The following KNTC1 variants were observed in gnomAD, a reference collection of about 807,000 sequenced individuals.
KNTC1 encodes kinetochore-associated protein 1.
In KNTC1, 253 loss-of-function variants were observed where a neutral mutation model predicts 314.4. The ratio of observed to expected loss-of-function variants is 0.80; its 90% CI spans 0.73 to 0.89. The LOEUF (loss-of-function observed/expected upper bound fraction) is 0.89. KNTC1 is among the 40% of genes least tolerant of loss of function. The probability of loss-of-function intolerance (pLI) is 0.00; values close to 1 mark genes in which losing one functional copy is unlikely to be tolerated. For synonymous variants in KNTC1, 901 were observed against 901.4 expected (o/e 1.00, Z 0.01); for missense variants, 2,475 against 2,572.9 (o/e 0.96, Z 0.82).
chr12:122,528,952 A>T (rs913046951), intron 1 of KNTC1, among the ~76,000 whole-genome samples: 3 of 151,858 alleles, frequency 2.0e-5, no homozygotes, highest in African/African-American at 7.3e-5. Context: ...AAGCAATTCT[A>T]CAGCCTCAGC....
chr12:122,546,131 C>T, intron 8 of KNTC1, 45 bp from the exon 9 acceptor site: 1 of 1,157,018 alleles, frequency 8.6e-7, no homozygotes, highest in Non-Finnish European at 1.3e-6. Flanking sequence ...AGGCTCAGGT[C>T]TAAGAATGAA....
intron 20 of KNTC1, among the ~76,000 whole-genome samples, chr12:122,565,613 A>G (rs2137874685): frequency 6.6e-6 from 1 of 152,104 alleles, no homozygotes; most frequent in East Asian, 1.9e-4. Flanking sequence ...TTGGCCGGGC[A>G]CAGTGGTTTA....
intron 29 of KNTC1, among the ~76,000 whole-genome samples, chr12:122,576,349 G>A (rs937437454): frequency 6.6e-5 from 10 of 152,180 alleles, no homozygotes; most frequent in African/African-American, 1.7e-4. Context: ...GATTACAGGC[G>A]TGAGCTACCG....
rs1197663903 is a variant in KNTC1, at chr12:122,543,606, A to G, written c.530A>G (p.Glu177Gly). 2 of 1,562,570 alleles carry G rather than the reference A, an allele frequency of 1.3e-6. No individual in the cohort carries two copies. Among genetic ancestry groups the G allele is most frequent in the South Asian group, 2.4e-5 (2 of 84,154 alleles). Reference protein sequence around the residue: ...LQLLKIQQAIENVDFSTAKKL... With the variant: ...LQLLKIQQAIGNVDFSTAKKL... ...GCTTTCTTTTTTAATGCAGCAATTG[A>G]GAATGTAGACTTCAGTACAGCAAAA... Residue 177 changes from glutamate (E) to glycine (G), a missense_variant, in exon 7 of 64, where the codon GAG becomes GGG. Physicochemically the swap from Glu to Gly is moderately conservative, Grantham distance 98. Coordinates refer to ENST00000333479, the MANE Select transcript of KNTC1 (RefSeq NM_014708.6).
At chr12:122,613,975 G>A (rs963052402) in intron 55 of KNTC1, among the ~76,000 whole-genome samples, 1 of 152,032 alleles carries the variant, frequency 6.6e-6, no homozygotes, top group African/African-American at 2.4e-5. Context: ...GATTATAGGC[G>A]CCCGCCCACC....
chr12:122,540,942 G>T (rs1962256223), intron 5 of KNTC1, among the ~76,000 whole-genome samples: 1 of 152,090 alleles, frequency 6.6e-6, no homozygotes. Flanking sequence ...AGGCTGAGGT[G>T]GGAGCATTGC....
intron 34 of KNTC1, among the ~76,000 whole-genome samples, chr12:122,583,697 G>C (rs1335898735): frequency 6.6e-6 from 1 of 152,000 alleles, no homozygotes; most frequent in Non-Finnish European, 1.5e-5. Context: ...GTGGTGGTGG[G>C]CACCTCTAAT....
intron 12 of KNTC1, among the ~76,000 whole-genome samples, chr12:122,548,837 G>A (rs774166398): frequency 2.0e-5 from 3 of 151,838 alleles, no homozygotes; most frequent in African/African-American, 4.8e-5. Context: ...GCTTGGTGGC[G>A]TGCACCTGTA....
intron 20 of KNTC1, among the ~76,000 whole-genome samples, chr12:122,565,927 T>G (rs1164231028): frequency 6.6e-6 from 1 of 151,782 alleles, no homozygotes; most frequent in Non-Finnish European, 1.5e-5. Context: ...TTTTTCATTT[T>G]TAGAGTTTCT....
Position 122,613,626 on chromosome 12 carries a change from A to C in KNTC1, c.5742A>C (p.Lys1914Asn). Residue 1914 changes from lysine (K) to asparagine (N), a missense_variant and splice_region_variant, in exon 55 of 64, where the codon AAA becomes AAC. Transcript: ENST00000333479. The stretch of plus-strand genomic sequence containing the variant: ...TCTTAGAAACGTTTCTGTTTTCCAG[A>C]TCTTATTTGAGATGTATAACTTTTC... ...SLFKKPIEEVKSYLRCITFLA... is the reference protein window; with the variant it reads ...SLFKKPIEEVNSYLRCITFLA... 1 of 1,596,930 alleles carries C rather than the reference A, an allele frequency of 6.3e-7. No individual in the cohort carries two copies. Among genetic ancestry groups the C allele is most frequent in the Non-Finnish European group, 8.5e-7 (1 of 1,174,244 alleles).
chr12:122,606,251 A>G (rs1287439807), intron 51 of KNTC1, among the ~76,000 whole-genome samples: 1 of 138,114 alleles, frequency 7.2e-6, no homozygotes, highest in African/African-American at 2.8e-5. Flanking sequence ...TTTTGGATAC[A>G]GAGTCTTACT....
chr12:122,531,314 C>A (rs561752349), intron 2 of KNTC1, among the ~76,000 whole-genome samples: 5 of 152,060 alleles, frequency 3.3e-5, no homozygotes, highest in Non-Finnish European at 7.4e-5. Context: ...TCAAAAAATT[C>A]TCCTGTCTCA....
intron 53 of KNTC1, 29 bp downstream of exon 53, chr12:122,610,929 T>C: frequency 2.0e-6 from 3 of 1,488,672 alleles, no homozygotes; most frequent in Non-Finnish European, 2.8e-6. Context: ...ATCCAAACTC[T>C]TCTGTGCATC....
At chr12:122,598,423 T>TTC (rs1022084139) in intron 44 of KNTC1, among the ~76,000 whole-genome samples, 1 of 142,462 alleles carries the variant, frequency 7.0e-6, no homozygotes, top group Non-Finnish European at 1.5e-5. Context: ...TTTCTTTTCT[T>TTC]TTTTTTTTTT....
chr12:122,579,285 C>T (rs1270351476), intron 31 of KNTC1, among the ~76,000 whole-genome samples: 2 of 151,092 alleles, frequency 1.3e-5, no homozygotes, highest in African/African-American at 2.4e-5. Context: ...GGGATGGTCT[C>T]GATCTCCTGA....
intron 5 of KNTC1, 57 bp from the exon 6 acceptor site, chr12:122,541,993 G>A (rs915921128): frequency 1.8e-5 from 26 of 1,450,262 alleles, no homozygotes; most frequent in Admixed American, 1.3e-4. Context: ...CCAGCCTAGC[G>A]ACAGAATGAG....
At chr12:122,622,063 T>A (rs1874499417) in intron 61 of KNTC1, 93 bp downstream of exon 61, 2 of 854,260 alleles carry the variant, frequency 2.3e-6, no homozygotes, top group African/African-American at 1.7e-5. Context: ...AAAACTGCTA[T>A]GTCTAGCTGT....
chr12:122,604,991 A>G lies in KNTC1; in HGVS notation c.5290A>G (p.Arg1764Gly). 1.9e-6 allele frequency: 3 copies of G among 1,613,274 alleles called. No individual in the cohort carries two copies. Among genetic ancestry groups the G allele is most frequent in the Non-Finnish European group, 2.5e-6 (3 of 1,179,554 alleles). ...CAAGCTGAACACTGAGGAATATTTAAGAGTGATCGGAAAGCCAGCACATCT... is the reference window on the plus strand; with the variant it reads ...CAAGCTGAACACTGAGGAATATTTAGGAGTGATCGGAAAGCCAGCACATCT... ...AHKLNTEEYL[R>G]VIGKPAHLIV... Residue 1764 changes from arginine to glycine, a missense_variant, in exon 50 of 64, where the codon AGA (arginine) becomes GGA (glycine). Arg to Gly is a moderately radical substitution (Grantham distance 125). Coordinates refer to ENST00000333479, the MANE Select transcript of KNTC1 (RefSeq NM_014708.6).
chr12:122,567,350 G>A (rs887954579), intron 20 of KNTC1, among the ~76,000 whole-genome samples: 1 of 152,022 alleles, frequency 6.6e-6, no homozygotes, highest in Non-Finnish European at 1.5e-5. Context: ...GATTACAGGC[G>A]TGAGCCACCA....
Sources: gnomAD v4.1 joint callset for allele counts (sites outside exome capture counted in the v4.1 genomes callset) on GRCh38, gnomAD v4.1.1 for gene constraint, MANE v1.5 for transcripts, NCBI Gene and HGNC (gene_info 2026-07-23, HGNC 2026-07-21) for gene names.